CMSS1: variants seen among roughly 807,000 people sequenced by gnomAD.
The protein encoded by CMSS1 is protein CMSS1.
A neutral mutation model predicts 43.5 loss-of-function variants in CMSS1; 33 were observed. The ratio of observed to expected loss-of-function variants is 0.76; its 90% CI spans 0.57 to 1.01. The LOEUF (loss-of-function observed/expected upper bound fraction) is 1.01, where lower values mean the gene tolerates loss of function less well. Among genes scored for constraint, CMSS1 ranks in the 50% least tolerant of loss-of-function variants. CMSS1 has a pLI of 0.00. For missense variants in CMSS1, 313 were observed against 326.4 expected (o/e 0.96, Z 0.32); for synonymous variants, 115 against 117.2 (o/e 0.98, Z 0.12).
At chr3:99,969,753 C>A (rs746967298) in intron 1 of CMSS1, among the ~76,000 whole-genome samples, 3 of 152,122 alleles carry the variant, frequency 2.0e-5, no homozygotes, top group Admixed American at 6.5e-5. Flanking sequence ...CCTTGGAAAT[C>A]TGTGACCATG....
At chr3:100,086,434 G>A (rs1374586162) in intron 1 of CMSS1, among the ~76,000 whole-genome samples, 1 of 152,092 alleles carries the variant, frequency 6.6e-6, no homozygotes, top group Admixed American at 6.5e-5. Flanking sequence ...AAAAAATCCA[G>A]GTTCTACTCT....
intron 1 of CMSS1, among the ~76,000 whole-genome samples, chr3:100,058,273 C>T (rs1222085953): frequency 6.6e-6 from 1 of 152,172 alleles, no homozygotes. Context: ...GTTCAAGGCA[C>T]GGAACAGAGT....
chr3:100,098,840 A>T (rs2066257031), intron 1 of CMSS1, among the ~76,000 whole-genome samples: 1 of 152,216 alleles, frequency 6.6e-6, no homozygotes. Flanking sequence ...TGGCTTCCTT[A>T]AACTAGGAAA....
chr3:99,876,651 A>T (rs1034444324), intron 1 of CMSS1, among the ~76,000 whole-genome samples: 15 of 152,190 alleles, frequency 9.9e-5, no homozygotes, highest in African/African-American at 3.6e-4. Flanking sequence ...TTAGACTTCA[A>T]ACCTTCTCTT....
intron 1 of CMSS1, chr3:99,850,320 C>T (rs907496580): frequency 6.2e-7 from 1 of 1,613,242 alleles, no homozygotes; most frequent in African/African-American, 1.3e-5. Context: ...TTGTGGTCAT[C>T]CTTTCTTTTT....
intron 1 of CMSS1, chr3:100,025,469 G>A (rs770077807): frequency 3.9e-5 from 6 of 152,066 alleles, no homozygotes; most frequent in Admixed American, 3.9e-4. Context: ...AGGATTTGAT[G>A]TTGCCTAGGG....
chr3:100,131,702 A>G (rs1024365063), intron 1 of CMSS1, among the ~76,000 whole-genome samples: 22 of 152,254 alleles, frequency 1.4e-4, no homozygotes, highest in Non-Finnish European at 2.6e-4. Context: ...AAGAAAGCTC[A>G]ATGTGTTTTT....
chr3:99,977,427 C>G (rs1709003858), intron 1 of CMSS1, among the ~76,000 whole-genome samples: 1 of 152,024 alleles, frequency 6.6e-6, no homozygotes, highest in Non-Finnish European at 1.5e-5. Context: ...GAAAGGTATG[C>G]TGGGGGCCTA....
At chr3:99,858,357 T>C (rs2107547498) in intron 1 of CMSS1, among the ~76,000 whole-genome samples, 1 of 151,990 alleles carries the variant, frequency 6.6e-6, no homozygotes, top group Non-Finnish European at 1.5e-5. Context: ...CCCAGCTACT[T>C]GGGAGGCTGA....
In CMSS1 at chr3:99,849,063, G is replaced by A. The variant is rs371052210; in HGVS notation, c.64+31020G>A. 15 of 1,613,966 alleles carry A rather than the reference G, an allele frequency of 9.3e-6. No homozygotes were observed. The African/African-American group carries it at 2.0e-4, about 22-fold the overall frequency. On this transcript the variant is annotated intron_variant, in intron 1 of 9. Coordinates refer to ENST00000421999, the MANE Select transcript of CMSS1 (RefSeq NM_032359.4). ...TTTGCATTTTTCCATTCTGAAGATG[G>A]CCCTCCTTGGATTTCATCCAGGGAA... is the stretch of plus-strand genomic sequence containing the variant.
intron 1 of CMSS1, among the ~76,000 whole-genome samples, chr3:99,958,814 A>G (rs1213638210): frequency 6.6e-6 from 1 of 152,190 alleles, no homozygotes; most frequent in African/African-American, 2.4e-5. Flanking sequence ...GGACCAGAGG[A>G]GATGTCAAAA....
chr3:100,026,382 CAT>C (rs2064921758), intron 1 of CMSS1, among the ~76,000 whole-genome samples: 1 of 151,832 alleles, frequency 6.6e-6, no homozygotes, highest in Non-Finnish European at 1.5e-5. Context: ...GAAGGCCAGA[CAT>C]AAAACAAGGA....
chr3:99,875,231 G>A (rs1005006249), intron 1 of CMSS1, among the ~76,000 whole-genome samples: 3 of 152,146 alleles, frequency 2.0e-5, no homozygotes, highest in Non-Finnish European at 4.4e-5. Flanking sequence ...TCTGCCAAGT[G>A]TTCAGTTATC....
chr3:100,115,956 A>T (rs931832369), intron 1 of CMSS1, among the ~76,000 whole-genome samples: 1 of 152,106 alleles, frequency 6.6e-6, no homozygotes, highest in Non-Finnish European at 1.5e-5. Flanking sequence ...TTTATATGTG[A>T]CCTTCACATT....
rs572871842 is a variant in CMSS1, at chr3:99,839,326, T to C, written c.64+21283T>C. The stretch of plus-strand genomic sequence containing the variant: ...TCTGCATAGCTGCCTGGCACAATAA[T>C]GAGCAATATTGCATGCTTCATAAAT... On this transcript the variant is annotated intron_variant, in intron 1 of 9. Transcript: ENST00000421999. 1.1e-4 allele frequency among the ~76,000 whole-genome samples: 16 copies of C among 152,338 alleles called. No individual in the cohort carries two copies. The South Asian group carries it at 3.3e-3, about 32-fold the overall frequency.
chr3:100,111,068 C>T (rs2066482689), intron 1 of CMSS1, among the ~76,000 whole-genome samples: 1 of 152,042 alleles, frequency 6.6e-6, no homozygotes, highest in African/African-American at 2.4e-5. Context: ...GCCCAGTTCG[C>T]CATATTCTAC....
chr3:100,021,436 G>A (rs1159111312), intron 1 of CMSS1, among the ~76,000 whole-genome samples: 6 of 152,076 alleles, frequency 3.9e-5, no homozygotes, highest in Admixed American at 3.9e-4. Context: ...AGACACTTTG[G>A]GAGAGGAGGA....
At chr3:100,079,825 A>T (rs1158942618) in intron 1 of CMSS1, among the ~76,000 whole-genome samples, 2 of 152,226 alleles carry the variant, frequency 1.3e-5, no homozygotes, top group African/African-American at 4.8e-5. Context: ...CTAAAAAAAA[A>T]AATCAAGATT....
chr3:99,831,529 A>G lies in CMSS1; in HGVS notation c.64+13486A>G, dbSNP rs975073261. Among the ~76,000 whole-genome samples the G allele has an allele frequency of 3.9e-5, 6 of 152,362 alleles. No homozygotes were observed. The East Asian group carries it at 9.6e-4, about 24-fold the overall frequency. ...TCAGGACATTTCTGTGAACAACCAT[A>G]TTATCCAAGCCATGAGCAGTAGAAG... is the stretch of plus-strand genomic sequence containing the variant. On this transcript the variant is annotated intron_variant, in intron 1 of 9. Transcript: ENST00000421999.
Sources: allele counts gnomAD v4.1 joint callset (sites outside exome capture counted in the v4.1 genomes callset), GRCh38; gene constraint gnomAD v4.1.1; transcripts MANE v1.5; gene names NCBI Gene and HGNC (gene_info 2026-07-23, HGNC 2026-07-21).